IRAK2: variants seen among roughly 807,000 people sequenced by gnomAD.
IRAK2 encodes interleukin-1 receptor-associated kinase-like 2.
In IRAK2, 57 loss-of-function variants were observed where a neutral mutation model predicts 72.0. The observed-to-expected ratio is 0.79, with a 90% CI of 0.64 to 0.99. The LOEUF (loss-of-function observed/expected upper bound fraction) is 0.99. Ranked by LOEUF, IRAK2 falls within the 50% of genes least tolerant of loss-of-function variation. IRAK2 has a pLI of 0.00. For synonymous variants in IRAK2, 293 were observed against 312.7 expected (o/e 0.94, Z 0.67); for missense variants, 790 against 794.4 (o/e 0.99, Z 0.07).
chr3:10,193,415 G>A (rs1254747970), intron 2 of IRAK2, among the ~76,000 whole-genome samples: 1 of 151,592 alleles, frequency 6.6e-6, no homozygotes, highest in Admixed American at 6.6e-5. Flanking sequence ...ATCAGCTTGC[G>A]CAATATGGCA....
intron 12 of IRAK2, among the ~76,000 whole-genome samples, chr3:10,241,419 C>T (rs984526245): frequency 6.7e-5 from 10 of 150,050 alleles, no homozygotes; most frequent in Middle Eastern, 3.2e-3. Context: ...ATTAGTTGGG[C>T]GTGGTGGTGG....
At chr3:10,165,227 C>T (rs1206123044) in intron 1 of IRAK2, among the ~76,000 whole-genome samples, 179 bp downstream of exon 1, 1 of 152,198 alleles carries the variant, frequency 6.6e-6, no homozygotes, top group African/African-American at 2.4e-5. Flanking sequence ...CCTGAAGGTG[C>T]CGCGTGGTCT....
intron 8 of IRAK2, among the ~76,000 whole-genome samples, chr3:10,220,330 G>A (rs4684669): frequency 0.38 from 57,479 of 152,152 alleles, 11,023 homozygotes; most frequent in Admixed American, 0.43. Flanking sequence ...GAGGGATTCC[G>A]AAGATACCAG....
intron 10 of IRAK2, among the ~76,000 whole-genome samples, chr3:10,227,161 C>G (rs1050084036): frequency 6.6e-6 from 1 of 152,026 alleles, no homozygotes; most frequent in Non-Finnish European, 1.5e-5. Context: ...AATATAACAA[C>G]CTGGCTGGGT....
intron 12 of IRAK2, among the ~76,000 whole-genome samples, chr3:10,240,645 C>T (rs1368773232): frequency 5.1e-5 from 7 of 136,536 alleles, no homozygotes; most frequent in Admixed American, 1.6e-4. Context: ...TGGCAGCCTC[C>T]GCCTCCCGGG....
At chr3:10,234,205 A>G (rs1697911989) in intron 10 of IRAK2, among the ~76,000 whole-genome samples, 1 of 152,014 alleles carries the variant, frequency 6.6e-6, no homozygotes, top group South Asian at 2.1e-4. Context: ...TGATGAACCA[A>G]CCGAGGCCTA....
In IRAK2 at chr3:10,186,792, T is replaced by TTTTC. The variant is rs1697081407; in HGVS notation, c.277+8775_277+8776insCTTT. On this transcript the variant is annotated intron_variant, in intron 2 of 12. Transcript: ENST00000256458. ...TTGTTTTCTTTCTTTCCTTTTTTTTTTTTTTTTTTTTTAAATAGAGACAGA... is the reference window on the plus strand; with the variant it reads ...TTGTTTTCTTTCTTTCCTTTTTTTTTTTTCTTTTTTTTTTTTAAATAGAGACAGA... Among the ~76,000 whole-genome samples the TTTTC allele has an allele frequency of 1.3e-5, 2 of 148,540 alleles. 1 individual carries two copies. The highest frequency in any genetic ancestry group is 5.1e-5 in the African/African-American group (2 of 39,360).
At chr3:10,218,113 T>C (rs1697631665) in intron 7 of IRAK2, among the ~76,000 whole-genome samples, 1 of 152,148 alleles carries the variant, frequency 6.6e-6, no homozygotes, top group Non-Finnish European at 1.5e-5. Context: ...ATGTGGGACC[T>C]ACACCAGGGC....
chr3:10,241,393 A>G (rs1698058713), intron 12 of IRAK2, among the ~76,000 whole-genome samples: 1 of 150,376 alleles, frequency 6.6e-6, no homozygotes, highest in African/African-American at 2.5e-5. Context: ...CCCCGTCTCT[A>G]CTAAAAATAC....
intron 2 of IRAK2, among the ~76,000 whole-genome samples, chr3:10,181,949 T>A (rs1187826864): frequency 1.3e-5 from 2 of 150,826 alleles, no homozygotes; most frequent in Non-Finnish European, 1.5e-5. Context: ...AGCATCATTT[T>A]CTTTTTTTTC....
At chr3:10,229,822 C>T (rs374704297) in intron 10 of IRAK2, among the ~76,000 whole-genome samples, 5 of 152,166 alleles carry the variant, frequency 3.3e-5, no homozygotes, top group African/African-American at 1.2e-4. Flanking sequence ...AAAAAGAGGC[C>T]GGGCACAGTG....
intron 9 of IRAK2, among the ~76,000 whole-genome samples, chr3:10,224,183 A>G (rs1002055791): frequency 6.6e-6 from 1 of 152,134 alleles, no homozygotes; most frequent in Admixed American, 6.5e-5. Context: ...CTAAAAATAC[A>G]AAAATTAGCT....
At chr3:10,234,985 G>T (rs1697932582) in intron 11 of IRAK2, among the ~76,000 whole-genome samples, 1 of 152,186 alleles carries the variant, frequency 6.6e-6, no homozygotes, top group South Asian at 2.1e-4. Flanking sequence ...GAACGGCTCT[G>T]CCCGCAGTTT....
At position 10,209,679 on chromosome 3, in the gene IRAK2, C is replaced by A; in HGVS notation, c.515C>A (p.Ser172Ter). The A allele has an allele frequency of 6.6e-7, 1 of 1,526,446 alleles. No homozygotes were observed. Among genetic ancestry groups the A allele is most frequent in the Non-Finnish European group, 8.8e-7 (1 of 1,138,148 alleles). 94.6% of individuals were successfully genotyped at this position (1,526,446 alleles called of 1,614,324 possible). Reference sequence around the variant, plus strand: ...TCCTTGAGAAGCGACCTCCCCACTTCGTCTGATTCAAAGGTAAATCCACCC... The same window carrying A: ...TCCTTGAGAAGCGACCTCCCCACTTAGTCTGATTCAAAGGTAAATCCACCC... ...PHSLRSDLPT[S>*]SDSKDFSTSI... is the part of the protein sequence containing the mutation. Residue 172 changes from serine (S) to a stop codon, truncating the protein, a stop_gained, in exon 4 of 13, where the codon TCG (serine) becomes TAG (stop). Transcript: ENST00000256458. LOFTEE classifies it high-confidence loss of function.
intron 2 of IRAK2, among the ~76,000 whole-genome samples, chr3:10,183,140 C>T (rs1424472913): frequency 6.6e-6 from 1 of 152,216 alleles, no homozygotes; most frequent in Non-Finnish European, 1.5e-5. Context: ...AAGCCCCACA[C>T]ACCAGAAGTC....
At chr3:10,175,363 G>A (rs1696857526) in intron 1 of IRAK2, among the ~76,000 whole-genome samples, 1 of 152,028 alleles carries the variant, frequency 6.6e-6, no homozygotes, top group African/African-American at 2.4e-5. Context: ...CTGACCTCAG[G>A]TGATCCACCT....
At chr3:10,200,299 C>A in intron 2 of IRAK2, 70 bp from the exon 3 acceptor site, 1 of 1,372,790 alleles carries the variant, frequency 7.3e-7, no homozygotes, top group Non-Finnish European at 9.9e-7. Flanking sequence ...CTCTGACTTC[C>A]AGAACCAGTC....
At chr3:10,230,302 A>G (rs749378442) in intron 10 of IRAK2, among the ~76,000 whole-genome samples, 29 of 150,964 alleles carry the variant, frequency 1.9e-4, no homozygotes, top group South Asian at 6.5e-4. Context: ...CCGACAAGGT[A>G]TGTTTGTTTG....
rs1047166999 is a variant in IRAK2, at chr3:10,242,115, G to T, written c.1766-1G>T. ...CTTGTTTGCTTTCTGTTGAACATCA[G>T]TTACAGAAACTTCGTGGCAAATTGA... is the stretch of plus-strand genomic sequence containing the variant. On this transcript the variant is annotated splice_acceptor_variant, in intron 12 of 12. Coordinates refer to ENST00000256458, the MANE Select transcript of IRAK2 (RefSeq NM_001570.4). LOFTEE classifies it high-confidence loss of function. 6.4e-7 allele frequency: 1 copy of T among 1,573,918 alleles called. No homozygotes were observed. Among genetic ancestry groups the T allele is most frequent in the African/African-American group, 1.4e-5 (1 of 74,056 alleles).
Sources: allele counts gnomAD v4.1 joint callset (sites outside exome capture counted in the v4.1 genomes callset), GRCh38; gene constraint gnomAD v4.1.1; transcripts MANE v1.5; gene names NCBI Gene and HGNC (gene_info 2026-07-23, HGNC 2026-07-21).